DAB1: variants seen among roughly 807,000 people sequenced by gnomAD.
DAB1 encodes the protein DAB adaptor protein 1.
In DAB1, 15 loss-of-function variants were observed where a neutral mutation model predicts 64.6. The observed-to-expected ratio is 0.23, with a 90% CI of 0.16 to 0.36. DAB1 has a LOEUF of 0.36. DAB1 is among the 10% of genes least tolerant of loss of function. The pLI, the probability that DAB1 is intolerant of heterozygous loss-of-function variation, is 1.00. For synonymous variants in DAB1, 235 were observed against 251.9 expected (o/e 0.93, Z 0.64); for missense variants, 596 against 706.7 (o/e 0.84, Z 1.78).
intron 1 of DAB1, among the ~76,000 whole-genome samples, chr1:57,874,578 TTTGCTAA>T (rs1644011667): frequency 6.6e-6 from 1 of 151,966 alleles, no homozygotes; most frequent in South Asian, 2.1e-4. Flanking sequence ...CAGCTGTCTG[TTTGCTAA>T]GATCAAACAG....
intron 5 of DAB1, among the ~76,000 whole-genome samples, chr1:57,892,817 C>G (rs546095036): frequency 2.4e-4 from 36 of 152,190 alleles, no homozygotes; most frequent in Non-Finnish European, 1.2e-4. Flanking sequence ...TCCTGACAGA[C>G]AGTAGATATA....
chr1:57,647,271 A>G (rs1390853457), intron 7 of DAB1, among the ~76,000 whole-genome samples: 3 of 152,120 alleles, frequency 2.0e-5, no homozygotes, highest in Non-Finnish European at 4.4e-5. Context: ...ACCTTCAAAC[A>G]TCGCCTCCAC....
intron 1 of DAB1, among the ~76,000 whole-genome samples, chr1:57,395,365 C>T (rs1682721447): frequency 6.6e-6 from 1 of 152,166 alleles, no homozygotes; most frequent in South Asian, 2.1e-4. Context: ...ACTTGGCACC[C>T]GGGGAGACCA....
At chr1:58,243,234 A>C (rs1660378707) in intron 4 of DAB1, among the ~76,000 whole-genome samples, 2 of 151,978 alleles carry the variant, frequency 1.3e-5, no homozygotes, top group African/African-American at 4.8e-5. Context: ...TCAAGCTTCC[A>C]AAAAAAGAAA....
At chr1:58,500,355 C>T (rs927036315) in intron 3 of DAB1, among the ~76,000 whole-genome samples, 1 of 152,274 alleles carries the variant, frequency 6.6e-6, no homozygotes, top group East Asian at 1.9e-4. Context: ...TTTGTGTACA[C>T]TGGCCAACAA....
At chr1:58,375,225 G>A (rs957024202) in intron 3 of DAB1, among the ~76,000 whole-genome samples, 8 of 146,752 alleles carry the variant, frequency 5.5e-5, no homozygotes, top group Non-Finnish European at 9.0e-5. Context: ...ATGTTGAATA[G>A]GAGCGGTGAG....
chr1:57,949,511 A>G (rs34714798), intron 5 of DAB1, among the ~76,000 whole-genome samples: 19 of 137,126 alleles, frequency 1.4e-4, no homozygotes, highest in African/African-American at 4.9e-4. Context: ...ATCTATCTAT[A>G]TCTGTCTGTC....
intron 2 of DAB1, among the ~76,000 whole-genome samples, chr1:57,283,603 G>C (rs764777731): frequency 2.6e-5 from 4 of 152,194 alleles, no homozygotes; most frequent in Non-Finnish European, 5.9e-5. Flanking sequence ...AGATTAGGTA[G>C]CCAGCCCAAG....
At chr1:58,108,324 G>A (rs1651785469) in intron 5 of DAB1, among the ~76,000 whole-genome samples, 1 of 152,140 alleles carries the variant, frequency 6.6e-6, no homozygotes, top group South Asian at 2.1e-4. Flanking sequence ...AGAATTGAGA[G>A]ATACCACCCT....
chr1:58,491,960 A>T (rs1409722269), intron 3 of DAB1, among the ~76,000 whole-genome samples: 1 of 152,222 alleles, frequency 6.6e-6, no homozygotes, highest in African/African-American at 2.4e-5. Flanking sequence ...AACAGAATAT[A>T]CATTCTTTTC....
chr1:58,025,635 TTATATATATATGTGTGTATA>T (rs1395329298), intron 5 of DAB1, among the ~76,000 whole-genome samples: 3 of 118,814 alleles, frequency 2.5e-5, no homozygotes, highest in African/African-American at 9.7e-5. Flanking sequence ...AAATATAATA[TTATATATATATGTGTGTATA>T]TATATATATA....
intron 2 of DAB1, among the ~76,000 whole-genome samples, chr1:58,513,962 G>A (rs977219673): frequency 6.6e-6 from 1 of 152,168 alleles, no homozygotes; most frequent in Non-Finnish European, 1.5e-5. Flanking sequence ...CAATAATTTA[G>A]TCTCTAGGAG....
Position 57,704,364 on chromosome 1 carries a change from A to T in DAB1, n.552-54699T>A, listed in dbSNP as rs529208264. 9.9e-5 allele frequency among the ~76,000 whole-genome samples: 15 copies of T among 152,208 alleles called. No homozygotes were observed. In the East Asian group the frequency reaches 2.9e-3, roughly 29 times the overall value. Reference sequence around the variant, plus strand: ...ATGCCTCTCATATTACTCCCATCTGATGTAACTAATTTAAGGTAACCCCTG... The same window carrying T: ...ATGCCTCTCATATTACTCCCATCTGTTGTAACTAATTTAAGGTAACCCCTG... On this transcript the variant is annotated intron_variant and non_coding_transcript_variant, in intron 6 of 20. Transcript: ENST00000485760.
chr1:57,903,873 G>A (rs1046467596), intron 5 of DAB1, among the ~76,000 whole-genome samples: 15 of 152,156 alleles, frequency 9.9e-5, no homozygotes, highest in Non-Finnish European at 2.1e-4. Flanking sequence ...TACTTAGAAT[G>A]TGCCAGGCCT....
At chr1:57,616,710 G>A (rs188826353) in intron 7 of DAB1, among the ~76,000 whole-genome samples, 4 of 152,210 alleles carry the variant, frequency 2.6e-5, no homozygotes, top group Non-Finnish European at 4.4e-5. Flanking sequence ...TGTGATGGCC[G>A]TATCTATCCA....
At chr1:57,953,301 A>G (rs1645316942) in intron 5 of DAB1, among the ~76,000 whole-genome samples, 1 of 152,184 alleles carries the variant, frequency 6.6e-6, no homozygotes, top group South Asian at 2.1e-4. Context: ...AATGATGATA[A>G]TCGTGGTGAA....
intron 5 of DAB1, among the ~76,000 whole-genome samples, chr1:58,079,133 G>GGCTTGACCAGCTCAGAGAAGTCAGA (rs1557640929): frequency 1.3e-5 from 2 of 152,010 alleles, no homozygotes; most frequent in Non-Finnish European, 2.9e-5. Flanking sequence ...GAGAAGTCAG[G>GGCTTGACCAGCTCAGAGAAGTCAGA]TGGCTTGACC....
intron 6 of DAB1, among the ~76,000 whole-genome samples, chr1:57,715,257 T>C (rs1647071326): frequency 6.6e-6 from 1 of 152,210 alleles, no homozygotes; most frequent in Admixed American, 6.5e-5. Context: ...CTCAACATGT[T>C]GGTTTTAGAA....
At chr1:57,014,669 A>G (rs1408758613) in intron 12 of DAB1, among the ~76,000 whole-genome samples, 1 of 152,216 alleles carries the variant, frequency 6.6e-6, no homozygotes, top group Non-Finnish European at 1.5e-5. Flanking sequence ...CATTATTATA[A>G]GTCTAAAAAT....
Sources: allele counts gnomAD v4.1 joint callset (sites outside exome capture counted in the v4.1 genomes callset), GRCh38; gene constraint gnomAD v4.1.1; transcripts MANE v1.5; gene names NCBI Gene and HGNC (gene_info 2026-07-23, HGNC 2026-07-21).